The following CHST12 variants were observed in gnomAD, a reference collection of about 807,000 sequenced individuals.
The protein encoded by CHST12 is carbohydrate sulfotransferase 12, also known as carbohydrate (chondroitin 4) sulfotransferase 12.
In CHST12, 23 loss-of-function variants were observed where a neutral mutation model predicts 27.9. The ratio of observed to expected loss-of-function variants is 0.82; its 90% confidence interval spans 0.59 to 1.17. The LOEUF is 1.17. Ranked by LOEUF, CHST12 falls within the 50% of genes most tolerant of loss-of-function variation. The probability of loss-of-function intolerance (pLI) is 0.00; values close to 1 mark genes in which losing one functional copy is unlikely to be tolerated. For missense variants in CHST12, 682 were observed against 603.0 expected, an observed-to-expected ratio of 1.13 and a Z score of -1.37; for synonymous variants, 322 against 273.0, an observed-to-expected ratio of 1.18 and a Z score of -1.77.
intron 1 of CHST12, among the ~76,000 whole-genome samples, chr7:2,422,866 CTT>C (rs576927497): frequency 5.9e-4 from 81 of 136,714 alleles, no homozygotes; most frequent in Non-Finnish European, 5.7e-4. Flanking sequence ...TTCAGAAAAC[CTT>C]TTTTTTTTTT....
In CHST12 at chr7:2,403,611, A is replaced by G. The variant is rs1781441084; in HGVS notation, c.-140A>G. On this transcript the variant is annotated 5_prime_UTR_variant, in exon 1 of 2. Transcript: ENST00000618655. The stretch of plus-strand genomic sequence containing the variant: ...GAGGGCTGCCTCTGGGGGGTCCGCT[A>G]GTCGCGGGGCGGCGGCGGCGGCTGC... 1 of 149,472 alleles carries G rather than the reference A, an allele frequency of 6.7e-6. No individual in the cohort carries two copies. The highest frequency in any genetic ancestry group is 1.5e-5 in the Non-Finnish European group (1 of 67,594). The allele number at this position is 149,472 out of a possible 1,614,324, so 9.3% of individuals were successfully genotyped here.
chr7:2,426,249 G>A (rs1399707487), intron 1 of CHST12, among the ~76,000 whole-genome samples: 1 of 152,146 alleles, frequency 6.6e-6, no homozygotes, highest in Admixed American at 6.5e-5. Context: ...GGAACCTCAG[G>A]GGCTTGGTCA....
Position 2,407,288 on chromosome 7 carries a change from A to G in CHST12, c.-78+3615A>G, listed in dbSNP as rs531321869. On this transcript the variant is annotated intron_variant, in intron 1 of 1. Transcript: ENST00000618655. ...TAGCAAGACCCCCATCTCTACAACAAAATTTAAAAATTAGCCAGGTGTGGT... is the reference window on the plus strand; with the variant it reads ...TAGCAAGACCCCCATCTCTACAACAGAATTTAAAAATTAGCCAGGTGTGGT... 1.7e-4 allele frequency among the ~76,000 whole-genome samples: 26 copies of G among 152,020 alleles called. No homozygotes were observed. In the South Asian group the frequency reaches 4.8e-3, roughly 28 times the overall value.
intron 1 of CHST12, among the ~76,000 whole-genome samples, chr7:2,412,592 A>G (rs537829176): frequency 6.6e-6 from 1 of 152,348 alleles, no homozygotes; most frequent in East Asian, 1.9e-4. Context: ...TTCCCTCAGC[A>G]GTAAAGGAAA....
chr7:2,409,992 G>A (rs1387064291), intron 1 of CHST12, among the ~76,000 whole-genome samples: 12 of 152,014 alleles, frequency 7.9e-5, no homozygotes, highest in Admixed American at 7.9e-4. Context: ...CTGTCACTCA[G>A]GCTGGAGTGC....
chr7:2,438,820 C>T lies in CHST12; in HGVS notation c.*4936C>T, dbSNP rs1782535276. On this transcript the variant is annotated 3_prime_UTR_variant, in exon 2 of 2. Coordinates refer to ENST00000618655, the MANE Select transcript of CHST12 (RefSeq NM_018641.5). ...CTACCCAGGCCCAAGGGCAGATGCACCTGAGCCATTGTGTCCCATGGTTGA... is the reference window on the plus strand; with the variant it reads ...CTACCCAGGCCCAAGGGCAGATGCATCTGAGCCATTGTGTCCCATGGTTGA... The T allele has an allele frequency of 6.6e-6, 1 of 152,292 alleles. No homozygotes were observed. Among genetic ancestry groups the T allele is most frequent in the Admixed American group, 6.5e-5 (1 of 15,286 alleles). 9.4% of individuals were successfully genotyped at this position (152,292 alleles called of 1,614,324 possible).
At chr7:2,421,818 A>G (rs1344918704) in intron 1 of CHST12, among the ~76,000 whole-genome samples, 1 of 152,152 alleles carries the variant, frequency 6.6e-6, no homozygotes, top group Non-Finnish European at 1.5e-5. Flanking sequence ...CTCCCGCCTC[A>G]GCCTCCCAAA....
intron 1 of CHST12, among the ~76,000 whole-genome samples, chr7:2,422,598 C>T (rs867823062): frequency 3.3e-5 from 5 of 151,382 alleles, no homozygotes; most frequent in South Asian, 2.1e-4. Context: ...TGCAGTGGTG[C>T]GATCTCAGCT....
At chr7:2,404,474 A>C (rs191676968) in intron 1 of CHST12, among the ~76,000 whole-genome samples, 7 of 152,236 alleles carry the variant, frequency 4.6e-5, no homozygotes, top group African/African-American at 1.7e-4. Context: ...CGGGGTGAAT[A>C]GGAATGTGAG....
intron 1 of CHST12, among the ~76,000 whole-genome samples, chr7:2,430,228 AT>A (rs1782238548): frequency 6.6e-6 from 1 of 151,304 alleles, no homozygotes; most frequent in Admixed American, 6.6e-5. Context: ...GTGTTTGTGG[AT>A]TTTCCTGTTG....
intron 1 of CHST12, among the ~76,000 whole-genome samples, chr7:2,419,107 G>A (rs1268524479): frequency 1.3e-5 from 2 of 151,824 alleles, no homozygotes; most frequent in East Asian, 3.9e-4. Context: ...TGTCCAAACC[G>A]CCTTTTAAAA....
At chr7:2,412,837 C>G (rs1006433965) in intron 1 of CHST12, among the ~76,000 whole-genome samples, 2 of 151,736 alleles carry the variant, frequency 1.3e-5, no homozygotes, top group Non-Finnish European at 2.9e-5. Context: ...CTTAGAACAT[C>G]ACTTTTAACA....
Position 2,443,485 on chromosome 7 carries a change from C to G in CHST12, c.*9601C>G, listed in dbSNP as rs1782669994. 6.6e-6 allele frequency: 1 copy of G among 152,228 alleles called. No individual in the cohort carries two copies. The highest frequency in any genetic ancestry group is 6.5e-5 in the Admixed American group (1 of 15,284). The allele number at this position is 152,228 out of a possible 1,614,324, so 9.4% of individuals were successfully genotyped here. ...CTCTCATGAAACCAGTCCCTGGTGC[C>G]AAAAAGGTTGGGGACCGCGGCTCTG... On this transcript the variant is annotated 3_prime_UTR_variant, in exon 2 of 2. Coordinates refer to ENST00000618655, the MANE Select transcript of CHST12 (RefSeq NM_018641.5).
rs1008683485 is a variant in CHST12 at position 2,433,995 on chromosome 7, C to G, written c.*111C>G. 4 of 809,820 alleles carry G rather than the reference C, an allele frequency of 4.9e-6. No homozygotes were observed. The highest frequency in any genetic ancestry group is 8.1e-6 in the Non-Finnish European group (4 of 495,622). 50.2% of individuals were successfully genotyped at this position (809,820 alleles called of 1,614,324 possible). Reference sequence around the variant, plus strand: ...GGGCTTCTTGTTCACTCCACTGCCTCTATCCATTGAGTACTGTATCGATAT... The same window carrying G: ...GGGCTTCTTGTTCACTCCACTGCCTGTATCCATTGAGTACTGTATCGATAT... On this transcript the variant is annotated 3_prime_UTR_variant, in exon 2 of 2. Transcript: ENST00000618655. The surrounding 1 kb of genome is among the most constrained non-coding windows in gnomAD (Gnocchi z 6.1).
chr7:2,410,822 C>G (rs1295622833), intron 1 of CHST12, among the ~76,000 whole-genome samples: 1 of 151,942 alleles, frequency 6.6e-6, no homozygotes, highest in Non-Finnish European at 1.5e-5. Flanking sequence ...TCAGTGGAGT[C>G]CTGGTCACGG....
Position 2,445,522 on chromosome 7 carries a change from C to T in CHST12, c.*11638C>T, listed in dbSNP as rs890923184. 9.2e-5 allele frequency: 14 copies of T among 152,244 alleles called. No homozygotes were observed. The highest frequency in any genetic ancestry group is 3.4e-4 in the African/African-American group (14 of 41,460). 9.4% of individuals were successfully genotyped at this position (152,244 alleles called of 1,614,324 possible). A position where few individuals can be genotyped will look rare whatever the true frequency, so the allele number is the denominator to read the frequency against. On this transcript the variant is annotated 3_prime_UTR_variant, in exon 2 of 2. Transcript: ENST00000618655. ...CCAGGCTCACTGCAACCTATGCCTC[C>T]CGGGTTCAAGTGGTTCTCATGCTTC...
At chr7:2,410,346 G>A (rs933652523) in intron 1 of CHST12, among the ~76,000 whole-genome samples, 34 of 152,052 alleles carry the variant, frequency 2.2e-4, no homozygotes, top group Non-Finnish European at 1.3e-4. Context: ...TGGATTAACT[G>A]GTGTATATGA....
chr7:2,432,755 C>T lies in CHST12; in HGVS notation c.116C>T (p.Ser39Phe), dbSNP rs376187790. The T allele has an allele frequency of 7.4e-6, 12 of 1,613,786 alleles. No individual in the cohort carries two copies. In the African/African-American group the frequency reaches 1.2e-4, roughly 16 times the overall value. ...AGAAHFYLHT[S>F]FSRPHTGPPL... ...GCCGCGCACTTCTACTTGCACACGT[C>T]CTTCTCTAGGCCGCACACGGGGCCG... is the stretch of plus-strand genomic sequence containing the variant. Residue 39 changes from serine (S) to phenylalanine (F), a missense_variant, in exon 2 of 2, where the codon TCC becomes TTC. Coordinates refer to ENST00000618655, the MANE Select transcript of CHST12 (RefSeq NM_018641.5).
At position 2,434,118 on chromosome 7, in the gene CHST12, C is replaced by CCGCCCGCTCGCCCGCCCGCCCGCT. The variant is rs1583229262; in HGVS notation, c.*249_*250insCCGCCCGCTCGCCCGCTCGCCCGC. The CCGCCCGCTCGCCCGCCCGCCCGCT allele has an allele frequency of 4.8e-5, 17 of 353,738 alleles. No homozygotes were observed. Among genetic ancestry groups the CCGCCCGCTCGCCCGCCCGCCCGCT allele is most frequent in the Admixed American group, 4.5e-4 (9 of 20,086 alleles). 21.9% of individuals were successfully genotyped at this position (353,738 alleles called of 1,614,324 possible). A position where few individuals can be genotyped will look rare whatever the true frequency, so the allele number is the denominator to read the frequency against. ...CTCTCCCCTCCGCCCGCCCACCCGC[C>CCGCCCGCTCGCCCGCCCGCCCGCT]CGCCCGCTCGCCCGCTCGCCCGCTC... On this transcript the variant is annotated 3_prime_UTR_variant, in exon 2 of 2. Transcript: ENST00000618655.
Sources: gnomAD v4.1 joint callset for allele counts (sites outside exome capture counted in the v4.1 genomes callset) on GRCh38, gnomAD v4.1.1 for gene constraint, Gnocchi (gnomAD v3.1) non-coding constraint, MANE v1.5 for transcripts, NCBI Gene and HGNC (gene_info 2026-07-23, HGNC 2026-07-21) for gene names.